Variants in PPP2R2B observed in about 807,000 individuals in gnomAD.
PPP2R2B encodes protein phosphatase 2 regulatory subunit Bbeta.
PPP2R2B carries 5 observed loss-of-function variants against 46.0 expected under a neutral mutation model. That is an observed-to-expected ratio of 0.11 (90% CI 0.06 to 0.23). PPP2R2B has a LOEUF of 0.23. PPP2R2B is among the 10% of genes least tolerant of loss of function. PPP2R2B has a pLI of 1.00. For synonymous variants in PPP2R2B, 215 were observed against 206.7 expected (o/e 1.04, Z -0.34); for missense variants, 367 against 575.0 (o/e 0.64, Z 3.70).
chr5:146,801,938 G>A (rs937730854), intron 2 of PPP2R2B, among the ~76,000 whole-genome samples: 1 of 152,212 alleles, frequency 6.6e-6, no homozygotes, highest in African/African-American at 2.4e-5. Context: ...GAATGAAAGG[G>A]AGGAGCAGCT....
Position 146,921,509 on chromosome 5 carries a change from C to G in PPP2R2B, c.79+134156G>C, listed in dbSNP as rs865791205. Reference sequence around the variant, plus strand: ...GTGTCAGCATTGCTCGTGTATCTTTCTCTTACAAGCTTTTACTGACACTTA... The same window carrying G: ...GTGTCAGCATTGCTCGTGTATCTTTGTCTTACAAGCTTTTACTGACACTTA... On this transcript the variant is annotated intron_variant, in intron 1 of 8. Transcript: ENST00000336640. Among the ~76,000 whole-genome samples the G allele has an allele frequency of 5.3e-5, 8 of 152,322 alleles. 1 individual carries two copies. In the South Asian group the frequency reaches 1.7e-3, roughly 32 times the overall value.
chr5:146,867,913 G>A (rs1761401791), intron 2 of PPP2R2B, among the ~76,000 whole-genome samples: 1 of 152,124 alleles, frequency 6.6e-6, no homozygotes, highest in East Asian at 1.9e-4. Flanking sequence ...AAGAAATTGG[G>A]GCCTTCCTGG....
rs1582375559 is a variant in PPP2R2B, at chr5:146,893,944, G to A, written c.79+161721C>T. ...ACCTCTAATTCCAGCTACTCGGGAGGCTGAGGCATGAGAATTGCTTGAACC... is the reference window on the plus strand; with the variant it reads ...ACCTCTAATTCCAGCTACTCGGGAGACTGAGGCATGAGAATTGCTTGAACC... On this transcript the variant is annotated intron_variant, in intron 1 of 8. Transcript: ENST00000336640. Among the ~76,000 whole-genome samples, 5 of 151,388 alleles carry A rather than the reference G, an allele frequency of 3.3e-5. No homozygotes were observed. The East Asian group carries it at 7.8e-4, about 24-fold the overall frequency.
At chr5:147,018,708 C>T (rs573493713) in intron 1 of PPP2R2B, among the ~76,000 whole-genome samples, 37 of 152,186 alleles carry the variant, frequency 2.4e-4, no homozygotes, top group South Asian at 1.7e-3. Flanking sequence ...CATGGGACCC[C>T]TTGCAGGAGA....
chr5:146,625,036 T>G (rs1773953531), intron 7 of PPP2R2B, among the ~76,000 whole-genome samples: 1 of 152,248 alleles, frequency 6.6e-6, no homozygotes, highest in South Asian at 2.1e-4. Context: ...ATTTTCCTAG[T>G]GCCTGGAACA....
chr5:146,897,234 G>A (rs1314552661), intron 1 of PPP2R2B, among the ~76,000 whole-genome samples: 4 of 152,302 alleles, frequency 2.6e-5, no homozygotes, highest in Admixed American at 2.6e-4. Context: ...AGAGAGTTAG[G>A]ATTTAGAAAT....
In PPP2R2B at chr5:146,582,387, GC is replaced by G. The variant is rs1189225356; in HGVS notation, c.*7559del. The stretch of plus-strand genomic sequence containing the variant: ...TTGTAAGCTGTCAACCTTTCTGCAT[GC>G]TTTTCAGGGTCCCAGAAGGCTAACT... On this transcript the variant is annotated 3_prime_UTR_variant, in exon 10 of 10. Coordinates refer to ENST00000394411, the MANE Select transcript of PPP2R2B (RefSeq NM_181675.4). The G allele has an allele frequency of 2.0e-5, 3 of 152,344 alleles. No individual in the cohort carries two copies. In the East Asian group the frequency reaches 5.8e-4, roughly 29 times the overall value. 9.4% of individuals were successfully genotyped at this position (152,344 alleles called of 1,614,324 possible).
At chr5:146,703,899 G>A (rs1030816807) in intron 2 of PPP2R2B, among the ~76,000 whole-genome samples, 2 of 152,172 alleles carry the variant, frequency 1.3e-5, no homozygotes, top group African/African-American at 2.4e-5. Flanking sequence ...GATTTGCATG[G>A]CAGGATTCTG....
At chr5:147,008,389 T>C (rs1754550893) in intron 1 of PPP2R2B, among the ~76,000 whole-genome samples, 1 of 152,172 alleles carries the variant, frequency 6.6e-6, no homozygotes, top group Non-Finnish European at 1.5e-5. Context: ...AATATTTTAA[T>C]TCATAAAATA....
At chr5:146,651,071 T>C (rs1372703298) in intron 5 of PPP2R2B, among the ~76,000 whole-genome samples, 6 of 152,164 alleles carry the variant, frequency 3.9e-5, no homozygotes, top group African/African-American at 1.4e-4. Flanking sequence ...TTTTTAAACA[T>C]GAAATCTATT....
chr5:146,707,733 T>C (rs1779952307), intron 2 of PPP2R2B: 1 of 442,554 alleles, frequency 2.3e-6, no homozygotes, highest in Non-Finnish European at 4.0e-6. Flanking sequence ...CTTCTGTTAA[T>C]GACAAGGTGG....
intron 8 of PPP2R2B, among the ~76,000 whole-genome samples, chr5:146,597,942 G>A (rs1385810792): frequency 2.0e-5 from 3 of 152,172 alleles, no homozygotes; most frequent in Non-Finnish European, 4.4e-5. Context: ...CAAGGGCTTT[G>A]CTCCTTCAGC....
intron 2 of PPP2R2B, among the ~76,000 whole-genome samples, chr5:146,762,576 C>G (rs950186326): frequency 6.6e-6 from 1 of 152,168 alleles, no homozygotes; most frequent in African/African-American, 2.4e-5. Context: ...TCTTACATAT[C>G]TACATACTCT....
At chr5:146,825,731 G>T (rs1758538034) in intron 2 of PPP2R2B, among the ~76,000 whole-genome samples, 1 of 152,258 alleles carries the variant, frequency 6.6e-6, no homozygotes, top group African/African-American at 2.4e-5. Flanking sequence ...TAACTTTTTG[G>T]AAGTGCTGTA....
intron 5 of PPP2R2B, among the ~76,000 whole-genome samples, chr5:146,667,548 AG>A: frequency 3.9e-5 from 6 of 152,066 alleles, no homozygotes; most frequent in Admixed American, 3.9e-4. Context: ...TTAGATTTTA[AG>A]AACAGAAACC....
intron 1 of PPP2R2B, among the ~76,000 whole-genome samples, chr5:146,942,659 C>T (rs1764356651): frequency 6.6e-6 from 1 of 152,134 alleles, no homozygotes; most frequent in African/African-American, 2.4e-5. Flanking sequence ...TCCTGTTTCT[C>T]CCATCTTCTT....
At chr5:146,715,793 A>T (rs147159003) in intron 2 of PPP2R2B, among the ~76,000 whole-genome samples, 7 of 151,700 alleles carry the variant, frequency 4.6e-5, no homozygotes, top group African/African-American at 1.5e-4. Flanking sequence ...TCTTGTTCCT[A>T]TTCTCTTCTG....
chr5:146,644,391 C>A (rs746619525), intron 6 of PPP2R2B, among the ~76,000 whole-genome samples: 37 of 151,964 alleles, frequency 2.4e-4, no homozygotes, highest in Non-Finnish European at 3.1e-4. Flanking sequence ...AACTGTGATG[C>A]GAATCCAATG....
At chr5:146,953,045 T>A (rs1224163029) in intron 1 of PPP2R2B, among the ~76,000 whole-genome samples, 1 of 152,146 alleles carries the variant, frequency 6.6e-6, no homozygotes, top group African/African-American at 2.4e-5. Flanking sequence ...ATATTTAGAA[T>A]CCCTGGCTTC....
Sources: allele counts gnomAD v4.1 joint callset (sites outside exome capture counted in the v4.1 genomes callset), GRCh38; gene constraint gnomAD v4.1.1; transcripts MANE v1.5; gene names NCBI Gene and HGNC (gene_info 2026-07-23, HGNC 2026-07-21).